The following TCF7L1 variants were observed in gnomAD, a reference collection of about 807,000 sequenced individuals.
TCF7L1 encodes the protein transcription factor 7 like 1.
A neutral mutation model predicts 63.7 loss-of-function variants in TCF7L1; 18 were observed. That is an observed-to-expected ratio of 0.28 (90% CI 0.20 to 0.42). The LOEUF is 0.42. Among genes scored for constraint, TCF7L1 ranks in the 10% least tolerant of loss-of-function variants. TCF7L1 has a pLI of 1.00. For missense variants in TCF7L1, 654 were observed against 779.3 expected, an observed-to-expected ratio of 0.84 and a Z score of 1.91; for synonymous variants, 355 against 340.9, an observed-to-expected ratio of 1.04 and a Z score of -0.46.
At chr2:85,137,414 G>A (rs12474138) in intron 3 of TCF7L1, among the ~76,000 whole-genome samples, 19,968 of 152,210 alleles carry the variant, frequency 0.13, 1,430 homozygotes, top group Admixed American at 0.21. Flanking sequence ...CTCAGCATGG[G>A]ATGTGGGCCA....
chr2:85,296,898 T>A (rs903752335), intron 4 of TCF7L1, among the ~76,000 whole-genome samples: 1 of 152,196 alleles, frequency 6.6e-6, no homozygotes, highest in African/African-American at 2.4e-5. Flanking sequence ...TTAAGAAAGT[T>A]AAAATGGGCT....
chr2:85,160,539 C>A (rs1183557136), intron 3 of TCF7L1, among the ~76,000 whole-genome samples: 1 of 152,070 alleles, frequency 6.6e-6, no homozygotes, highest in Non-Finnish European at 1.5e-5. Context: ...TTTTTGAAGT[C>A]TTGGTACACC....
In TCF7L1 at chr2:85,271,176, G is replaced by A. The variant is rs150417168; in HGVS notation, c.442-12319G>A. ...CACCCAGGCTGGAGTTCAATGGTGC[G>A]ATCTCAGCTCACTGCAACTTCTGCC... On this transcript the variant is annotated intron_variant, in intron 3 of 11. Coordinates refer to ENST00000282111, the MANE Select transcript of TCF7L1 (RefSeq NM_031283.3). Among the ~76,000 whole-genome samples the A allele has an allele frequency of 9.7e-3, 1,473 of 151,916 alleles. 14 individuals carry two copies. Among genetic ancestry groups the A allele is most frequent in the Non-Finnish European group, 0.013 (866 of 67,950 alleles).
intron 3 of TCF7L1, chr2:85,166,937 C>CTGGAGT (rs2104229176): frequency 6.6e-6 from 1 of 152,312 alleles, no homozygotes; most frequent in East Asian, 1.9e-4. Context: ...CTTGCTCTGT[C>CTGGAGT]GCCCAGGCTG....
At chr2:85,220,475 C>T (rs1216224156) in intron 3 of TCF7L1, among the ~76,000 whole-genome samples, 1 of 152,118 alleles carries the variant, frequency 6.6e-6, no homozygotes, top group Non-Finnish European at 1.5e-5. Flanking sequence ...AAGCGATTCT[C>T]CTGCCTCAGC....
intron 3 of TCF7L1, among the ~76,000 whole-genome samples, chr2:85,223,527 T>C (rs1027066833): frequency 1.3e-5 from 2 of 152,112 alleles, no homozygotes; most frequent in Non-Finnish European, 2.9e-5. Flanking sequence ...TCAAGTGAGC[T>C]GCTGGAGGTG....
intron 3 of TCF7L1, among the ~76,000 whole-genome samples, chr2:85,277,175 A>C (rs1681292929): frequency 6.6e-6 from 1 of 151,116 alleles, no homozygotes; most frequent in African/African-American, 2.4e-5. Flanking sequence ...TGTTCTGAGC[A>C]GGGGAGAGAT....
intron 4 of TCF7L1, among the ~76,000 whole-genome samples, chr2:85,286,250 G>T (rs1482780141): frequency 6.6e-6 from 1 of 151,674 alleles, no homozygotes; most frequent in Non-Finnish European, 1.5e-5. Flanking sequence ...AGCTATTTGT[G>T]AGGCTGAGGC....
chr2:85,230,407 C>T (rs1383031523), intron 3 of TCF7L1, among the ~76,000 whole-genome samples: 1 of 150,182 alleles, frequency 6.7e-6, no homozygotes, highest in Non-Finnish European at 1.5e-5. Flanking sequence ...GATCTCGGCT[C>T]ACTGCAACCT....
intron 3 of TCF7L1, among the ~76,000 whole-genome samples, chr2:85,146,611 C>T (rs1677886365): frequency 6.6e-6 from 1 of 150,650 alleles, no homozygotes; most frequent in Non-Finnish European, 1.5e-5. Context: ...AAGCGATTCT[C>T]CTGCCTCAGC....
chr2:85,293,119 T>A (rs1465705393), intron 4 of TCF7L1, among the ~76,000 whole-genome samples: 1 of 152,192 alleles, frequency 6.6e-6, no homozygotes, highest in Non-Finnish European at 1.5e-5. Flanking sequence ...AAAGCTTCCT[T>A]TCACTTCATT....
At chr2:85,137,005 A>G (rs1677610646) in intron 3 of TCF7L1, among the ~76,000 whole-genome samples, 1 of 152,094 alleles carries the variant, frequency 6.6e-6, no homozygotes, top group Admixed American at 6.6e-5. Flanking sequence ...AGTGCCTGGG[A>G]TATATGATCC....
intron 3 of TCF7L1, among the ~76,000 whole-genome samples, chr2:85,136,475 C>T (rs888440748): frequency 6.6e-6 from 1 of 150,788 alleles, no homozygotes; most frequent in South Asian, 2.1e-4. Flanking sequence ...GCCAACCTTT[C>T]GTCTCTGCAT....
chr2:85,149,071 G>A (rs55886208), intron 3 of TCF7L1, among the ~76,000 whole-genome samples: 11,765 of 152,110 alleles, frequency 0.077, 512 homozygotes, highest in Middle Eastern at 0.11. Flanking sequence ...CAGCCACCGC[G>A]CCCAGCCCTT....
At position 85,304,068 on chromosome 2, in the gene TCF7L1, C is replaced by T. The variant is rs1682048777; in HGVS notation, c.761+71C>T. Reference sequence around the variant, plus strand: ...GAGCTCTGCCTCTGTGCCCTGCGCGCCCTGCACAGTGGAGCCCCCTCAGAG... The same window carrying T: ...GAGCTCTGCCTCTGTGCCCTGCGCGTCCTGCACAGTGGAGCCCCCTCAGAG... On this transcript the variant is annotated intron_variant, in intron 6 of 11. Coordinates refer to ENST00000282111, the MANE Select transcript of TCF7L1 (RefSeq NM_031283.3). The T allele has an allele frequency of 3.7e-6, 5 of 1,340,968 alleles. No individual in the cohort carries two copies. The African/African-American group carries it at 5.7e-5, about 15-fold the overall frequency. 83.1% of individuals were successfully genotyped at this position (1,340,968 alleles called of 1,614,324 possible).
intron 3 of TCF7L1, among the ~76,000 whole-genome samples, chr2:85,184,592 G>A (rs917051285): frequency 6.6e-6 from 1 of 152,134 alleles, no homozygotes; most frequent in Non-Finnish European, 1.5e-5. Flanking sequence ...GCAGGTGGAA[G>A]GCCAGATTCC....
At chr2:85,242,861 C>T (rs1042488743) in intron 3 of TCF7L1, among the ~76,000 whole-genome samples, 1 of 152,200 alleles carries the variant, frequency 6.6e-6, no homozygotes, top group African/African-American at 2.4e-5. Context: ...TTTACCTCAG[C>T]CTTTCCTAGT....
rs1490292249 is a variant in TCF7L1 at position 85,161,457 on chromosome 2, G to A, written c.441+27007G>A. ...TGAGCAAGGGAGGTGCTTCGGGGCC[G>A]GTGGAGCTGCTTCACTGAGCTGGGA... On this transcript the variant is annotated intron_variant, in intron 3 of 11. Coordinates refer to ENST00000282111, the MANE Select transcript of TCF7L1 (RefSeq NM_031283.3). Among the ~76,000 whole-genome samples, 4 of 152,062 alleles carry A rather than the reference G, an allele frequency of 2.6e-5. No individual in the cohort carries two copies. The East Asian group carries it at 7.7e-4, about 29-fold the overall frequency.
At chr2:85,263,091 AC>A in intron 3 of TCF7L1, among the ~76,000 whole-genome samples, 1 of 152,352 alleles carries the variant, frequency 6.6e-6, no homozygotes, top group South Asian at 2.1e-4. Context: ...GACCAAAGGT[AC>A]CCAGGGTGGT....
Sources: gnomAD v4.1 joint callset for allele counts (sites outside exome capture counted in the v4.1 genomes callset) on GRCh38, gnomAD v4.1.1 for gene constraint, MANE v1.5 for transcripts, NCBI Gene and HGNC (gene_info 2026-07-23, HGNC 2026-07-21) for gene names.